Variants in NHS observed in about 807,000 individuals in gnomAD.
NHS encodes NHS actin remodeling regulator.
In NHS, 5 loss-of-function variants were observed where a neutral mutation model predicts 72.5. That is an observed-to-expected ratio of 0.07 (90% CI 0.04 to 0.14). NHS has a LOEUF of 0.14. Among genes scored for constraint, NHS ranks in the 10% least tolerant of loss-of-function variants. NHS has a pLI of 1.00. For missense variants in NHS, 1,072 were observed against 1,355.7 expected, an observed-to-expected ratio of 0.79 and a Z score of 3.29; for synonymous variants, 464 against 547.7, an observed-to-expected ratio of 0.85 and a Z score of 2.13.
In NHS at chrX:17,375,771, A is replaced by T; in HGVS notation, c.14A>T (p.Lys5Met). MPFA[K>M]RIVEPQWLCR... is the part of the protein sequence containing the mutation. ...TGGCTGCGCGGGATGCCTTTCGCCAAGCGGATCGTGGAGCCGCAATGGCTG... is the reference window on the plus strand; with the variant it reads ...TGGCTGCGCGGGATGCCTTTCGCCATGCGGATCGTGGAGCCGCAATGGCTG... The change falls in exon 1 of 9, where the codon AAG becomes ATG. Residue 5 changes from lysine (K) to methionine (M), a missense_variant. Lys to Met is a moderately conservative substitution (Grantham distance 95, BLOSUM62 -1). Coordinates refer to ENST00000676302, the MANE Select transcript of NHS (RefSeq NM_001291867.2). 1 of 1,153,263 alleles carries T rather than the reference A, an allele frequency of 8.7e-7. No homozygotes were observed. Among genetic ancestry groups the T allele is most frequent in the Non-Finnish European group, 1.1e-6 (1 of 872,214 alleles).
chrX:17,710,339 G>A (rs1187229789), intron 3 of NHS, among the ~76,000 whole-genome samples: 3 of 112,524 alleles, frequency 2.7e-5, no homozygotes, highest in Non-Finnish European at 5.6e-5. Flanking sequence ...GTCAATAAAA[G>A]TACTTGTGTA....
chrX:17,376,351 G>A (rs1172070043), intron 1 of NHS, 29 bp downstream of exon 1: 16 of 1,125,157 alleles, frequency 1.4e-5, no homozygotes, highest in Non-Finnish European at 1.9e-5. Context: ...CGCCCGCCAG[G>A]CTATGGGTTT....
chrX:17,537,412 G>A (rs1369256915), intron 1 of NHS, among the ~76,000 whole-genome samples: 1 of 112,753 alleles, frequency 8.9e-6, no homozygotes, highest in Non-Finnish European at 1.9e-5. Flanking sequence ...TGAATTGGAA[G>A]TAAATTATGT....
At chrX:17,483,309 A>G (rs1173250423) in intron 1 of NHS, among the ~76,000 whole-genome samples, 2 of 112,254 alleles carry the variant, frequency 1.8e-5, no homozygotes, top group Non-Finnish European at 3.8e-5. Flanking sequence ...ATTAAATAAC[A>G]AGAGTTAGTG....
intron 1 of NHS, among the ~76,000 whole-genome samples, chrX:17,536,506 T>C (rs760834057): frequency 2.5e-3 from 282 of 112,399 alleles, no homozygotes; most frequent in Non-Finnish European, 4.2e-3. Flanking sequence ...GATCCATGTG[T>C]AGAGTATAGA....
intron 1 of NHS, 138 bp downstream of exon 1, chrX:17,376,460 C>T (rs2064347985): frequency 5.2e-6 from 3 of 574,087 alleles, no homozygotes; most frequent in Non-Finnish European, 8.5e-6. Flanking sequence ...CCTTCCCACC[C>T]TTCCCATCCC....
At chrX:17,597,329 G>A (rs2065629412) in intron 1 of NHS, among the ~76,000 whole-genome samples, 1 of 108,914 alleles carries the variant, frequency 9.2e-6, no homozygotes, top group African/African-American at 3.3e-5. Flanking sequence ...GTTTCACTGT[G>A]TTAGCCAGGA....
intron 3 of NHS, among the ~76,000 whole-genome samples, chrX:17,717,187 G>A (rs778983785): frequency 2.7e-5 from 3 of 111,567 alleles, no homozygotes; most frequent in East Asian, 2.8e-4. Context: ...GGCTAGTCTC[G>A]AACTCCTGAC....
chrX:17,445,185 G>T (rs752913981), intron 1 of NHS, among the ~76,000 whole-genome samples: 109 of 111,415 alleles, frequency 9.8e-4, no homozygotes, highest in Middle Eastern at 4.2e-3. Flanking sequence ...TACAACAGAG[G>T]AGGTAAGGTA....
At position 17,689,911 on chromosome X, in the gene NHS, C is replaced by T. The variant is rs1000700750; in HGVS notation, c.718+2017C>T. ...TTCCACCAGATAACACCAAGCTGCT[C>T]GTAAACTATCACATTTCACTGCTTT... On this transcript the variant is annotated intron_variant, in intron 2 of 8. Coordinates refer to ENST00000676302, the MANE Select transcript of NHS (RefSeq NM_001291867.2). Among the ~76,000 whole-genome samples, 111 of 112,082 alleles carry T rather than the reference C, an allele frequency of 9.9e-4. No individual in the cohort carries two copies. The Middle Eastern group carries it at 0.014, about 14-fold the overall frequency.
At chrX:17,668,174 C>G (rs1035302674) in intron 1 of NHS, among the ~76,000 whole-genome samples, 1 of 109,566 alleles carries the variant, frequency 9.1e-6, no homozygotes, top group Non-Finnish European at 1.9e-5. Context: ...GGCGGGAGGA[C>G]TGCTTGGGCC....
At chrX:17,397,556 CGAT>C (rs1273616103) in intron 1 of NHS, among the ~76,000 whole-genome samples, 1 of 110,933 alleles carries the variant, frequency 9.0e-6, no homozygotes, top group Non-Finnish European at 1.9e-5. Context: ...TTGCTTTTCA[CGAT>C]GTAGTAATTT....
chrX:17,586,238 G>C (rs988983060), intron 1 of NHS: 12 of 111,476 alleles, frequency 1.1e-4, no homozygotes, highest in African/African-American at 3.6e-4. Context: ...ATGAGGTGCT[G>C]TGGGTTGGGT....
chrX:17,563,162 GAC>G (rs1381400955), intron 1 of NHS, among the ~76,000 whole-genome samples: 1 of 112,675 alleles, frequency 8.9e-6, no homozygotes, highest in Non-Finnish European at 1.9e-5. Flanking sequence ...AGAAGAAACT[GAC>G]AGAGCCTGTT....
intron 1 of NHS, among the ~76,000 whole-genome samples, chrX:17,678,220 G>A (rs1285658060): frequency 9.0e-6 from 1 of 111,016 alleles, no homozygotes; most frequent in African/African-American, 3.3e-5. Flanking sequence ...TTTGGTGACA[G>A]GATTAAGAGT....
At chrX:17,718,411 A>AAAGGAAGGAGAGAAGGAAGG in intron 3 of NHS, among the ~76,000 whole-genome samples, 1 of 89,889 alleles carries the variant, frequency 1.1e-5, no homozygotes, top group African/African-American at 4.8e-5. Context: ...AGGGAAGGAA[A>AAAGGAAGGAGAGAAGGAAGG]AAGGAAGGAG....
chrX:17,727,969 A>T lies in NHS; in HGVS notation c.3863A>T (p.Lys1288Ile), dbSNP rs1438770167. The change falls in exon 7 of 9, where the codon AAA becomes ATA. Residue 1288 changes from lysine (K) to isoleucine (I), a missense_variant. Lys to Ile is a moderately radical substitution (Grantham distance 102, BLOSUM62 -3). Transcript: ENST00000676302. ...SAARPNDLDG[K>I]IIQYGPGPDE... is the part of the protein sequence containing the mutation. Reference sequence around the variant, plus strand: ...GCCCGCCCAAATGATTTGGATGGTAAAATAATACAATATGGACCTGGTCCA... The same window carrying T: ...GCCCGCCCAAATGATTTGGATGGTATAATAATACAATATGGACCTGGTCCA... 1 of 1,209,720 alleles carries T rather than the reference A, an allele frequency of 8.3e-7. No homozygotes were observed. Among genetic ancestry groups the T allele is most frequent in the East Asian group, 3.0e-5 (1 of 33,768 alleles).
At chrX:17,620,818 C>A (rs913196237) in intron 1 of NHS, among the ~76,000 whole-genome samples, 7 of 110,929 alleles carry the variant, frequency 6.3e-5, no homozygotes, top group African/African-American at 2.0e-4. Context: ...AGTGGCCTGT[C>A]CAGGAATGGG....
In NHS at chrX:17,489,421, G is replaced by T. The variant is rs763772362; in HGVS notation, c.565+113099G>T. ...ACACTCCCACCAACAGTGTAAAAGT[G>T]TTCCTATTTCTCCACATCGTCTCCA... On this transcript the variant is annotated intron_variant, in intron 1 of 8. Coordinates refer to ENST00000676302, the MANE Select transcript of NHS (RefSeq NM_001291867.2). Among the ~76,000 whole-genome samples, 36 of 112,253 alleles carry T rather than the reference G, an allele frequency of 3.2e-4. 1 individual carries two copies. The highest frequency in any genetic ancestry group is 1.1e-3 in the African/African-American group (34 of 30,956).
Sources: gnomAD v4.1 joint callset for allele counts (sites outside exome capture counted in the v4.1 genomes callset) on GRCh38, gnomAD v4.1.1 for gene constraint, MANE v1.5 for transcripts, NCBI Gene and HGNC (gene_info 2026-07-23, HGNC 2026-07-21) for gene names.